Variants in SHANK2 observed in about 807,000 individuals in gnomAD.
SHANK2 encodes SH3 and multiple ankyrin repeat domains 2, also known as SH3 and multiple ankyrin repeat domains protein 2.
SHANK2 carries 43 observed loss-of-function variants against 133.7 expected under a neutral mutation model. The observed-to-expected ratio is 0.32, with a 90% confidence interval of 0.25 to 0.41. The LOEUF (loss-of-function observed/expected upper bound fraction) is 0.41, where lower values mean the gene tolerates loss of function less well. Among genes scored for constraint, SHANK2 ranks in the 10% least tolerant of loss-of-function variants. SHANK2 has a pLI of 1.00. For synonymous variants in SHANK2, 1,017 were observed against 952.8 expected, an observed-to-expected ratio of 1.07 and a Z score of -1.24; for missense variants, 1,994 against 2,235.8, an observed-to-expected ratio of 0.89 and a Z score of 2.18.
chr11:71,129,183 A>G (rs191204967), intron 3 of SHANK2, among the ~76,000 whole-genome samples: 3 of 152,378 alleles, frequency 2.0e-5, no homozygotes, highest in African/African-American at 7.2e-5. Flanking sequence ...ACTCCTGGGT[A>G]GTATCATCCA....
At chr11:71,210,216 A>ATC (rs1954229821) in intron 2 of SHANK2, among the ~76,000 whole-genome samples, 1 of 40,098 alleles carries the variant, frequency 2.5e-5, no homozygotes, top group Non-Finnish European at 4.7e-5. Context: ...ACAGGTATAT[A>ATC]TATATATATA....
chr11:70,540,108 C>T (rs1490073498), intron 17 of SHANK2, among the ~76,000 whole-genome samples: 3 of 152,178 alleles, frequency 2.0e-5, no homozygotes, highest in South Asian at 2.1e-4. Flanking sequence ...CCAGTCACAT[C>T]GCAATGTCCC....
rs1204061320 is a variant in SHANK2, at chr11:70,856,694, A to T, written c.1175-36012T>A. Among the ~76,000 whole-genome samples, 4 of 152,170 alleles carry T rather than the reference A, an allele frequency of 2.6e-5. No individual in the cohort carries two copies. In the East Asian group the frequency reaches 7.7e-4, roughly 29 times the overall value. On this transcript the variant is annotated intron_variant, in intron 11 of 25. Coordinates refer to ENST00000601538, the MANE Select transcript of SHANK2 (RefSeq NM_012309.5). ...GAGTTTAAACCATGTTTGATACATT[A>T]TTTCATTAAAAACACCAACAGCCTT... is the stretch of plus-strand genomic sequence containing the variant.
intron 17 of SHANK2, among the ~76,000 whole-genome samples, chr11:70,546,664 C>T (rs935062077): frequency 1.5e-4 from 23 of 152,316 alleles, no homozygotes; most frequent in African/African-American, 5.3e-4. Flanking sequence ...GTGTAGACCC[C>T]TGGTGGGCCT....
intron 1 of SHANK2, among the ~76,000 whole-genome samples, chr11:71,237,105 G>A (rs1051481069): frequency 4.6e-5 from 7 of 152,284 alleles, no homozygotes; most frequent in South Asian, 2.1e-4. Flanking sequence ...CAATAAACCC[G>A]AGGGGACTGC....
At position 71,086,229 on chromosome 11, in the gene SHANK2, AAAT is replaced by A. The variant is rs1951411035; in HGVS notation, c.912+6190_912+6192del. On this transcript the variant is annotated intron_variant, in intron 8 of 25. Transcript: ENST00000601538. ...AATATATTATGTTATATAATATATT[AAAT>A]TATATAATATATTATGTTATATATG... is the stretch of plus-strand genomic sequence containing the variant. 1.7e-3 allele frequency among the ~76,000 whole-genome samples: 93 copies of A among 53,474 alleles called. 8 individuals are homozygous for A. Among genetic ancestry groups the A allele is most frequent in the African/African-American group, 2.6e-3 (38 of 14,510 alleles). The allele number at this position is 53,474 out of a possible 152,430, so 35.1% of individuals were successfully genotyped here. A position where few individuals can be genotyped will look rare whatever the true frequency, so the allele number is the denominator to read the frequency against.
intron 25 of SHANK2, among the ~76,000 whole-genome samples, chr11:70,482,979 G>T (rs1156657236): frequency 1.3e-5 from 2 of 152,210 alleles, no homozygotes; most frequent in African/African-American, 4.8e-5. Flanking sequence ...GCCACTCAGG[G>T]AGAGGTCTCC....
At chr11:70,652,197 A>C (rs1217010954) in intron 17 of SHANK2, among the ~76,000 whole-genome samples, 1 of 152,202 alleles carries the variant, frequency 6.6e-6, no homozygotes, top group East Asian at 1.9e-4. Flanking sequence ...CAGTGGTTTG[A>C]GCCAAAGGAG....
chr11:70,660,533 G>C (rs1386085206), intron 16 of SHANK2, among the ~76,000 whole-genome samples: 2 of 152,206 alleles, frequency 1.3e-5, no homozygotes, highest in African/African-American at 2.4e-5. Flanking sequence ...GTGTGTGTGG[G>C]TGCTGAACCA....
At chr11:71,180,643 G>A (rs1321693167) in intron 2 of SHANK2, among the ~76,000 whole-genome samples, 1 of 151,922 alleles carries the variant, frequency 6.6e-6, no homozygotes, top group Non-Finnish European at 1.5e-5. Flanking sequence ...TTTTTGGCGG[G>A]GGCGGCGGGA....
intron 17 of SHANK2, among the ~76,000 whole-genome samples, chr11:70,613,228 G>C (rs1240959187): frequency 6.6e-6 from 1 of 151,926 alleles, no homozygotes; most frequent in Non-Finnish European, 1.5e-5. Flanking sequence ...TTTTGAGATG[G>C]AGTCTTGCTC....
intron 14 of SHANK2, among the ~76,000 whole-genome samples, chr11:70,761,193 G>C (rs955536280): frequency 9.9e-5 from 15 of 152,140 alleles, no homozygotes; most frequent in Non-Finnish European, 2.1e-4. Flanking sequence ...CTGGTGATGG[G>C]GCCTTTGGGA....
intron 20 of SHANK2, among the ~76,000 whole-genome samples, chr11:70,501,276 G>A (rs2059046993): frequency 6.6e-6 from 1 of 152,190 alleles, no homozygotes. Flanking sequence ...GCCGAGGAAG[G>A]ATGACATCAC....
chr11:70,874,995 C>CATA (rs1949534268), intron 11 of SHANK2, among the ~76,000 whole-genome samples: 1 of 152,294 alleles, frequency 6.6e-6, no homozygotes, highest in African/African-American at 2.4e-5. Flanking sequence ...AGTTAATGTT[C>CATA]ATACAGAATA....
chr11:71,223,201 C>A (rs894222969), intron 2 of SHANK2, among the ~76,000 whole-genome samples: 1 of 152,156 alleles, frequency 6.6e-6, no homozygotes, highest in Non-Finnish European at 1.5e-5. Context: ...CGCCCAACTG[C>A]GATGGTGGCC....
In SHANK2 at chr11:70,590,554, C is replaced by T. The variant is rs182967528; in HGVS notation, c.2061+69274G>A. Among the ~76,000 whole-genome samples, 42 of 152,318 alleles carry T rather than the reference C, an allele frequency of 2.8e-4. No homozygotes were observed. The East Asian group carries it at 6.6e-3, about 24-fold the overall frequency. On this transcript the variant is annotated intron_variant, in intron 17 of 25. Coordinates refer to ENST00000601538, the MANE Select transcript of SHANK2 (RefSeq NM_012309.5). ...AAATTGCCACAGTCACCCCAGCCTT[C>T]GGCAACCACCGCTCTCATCAGTCAG...
At chr11:70,756,473 C>A (rs1273380835) in intron 14 of SHANK2, among the ~76,000 whole-genome samples, 3 of 152,170 alleles carry the variant, frequency 2.0e-5, no homozygotes, top group Admixed American at 6.5e-5. Context: ...TGGCACAGAG[C>A]ACACCCTCTC....
At chr11:70,914,442 G>C (rs1805418885) in intron 10 of SHANK2, among the ~76,000 whole-genome samples, 1 of 151,928 alleles carries the variant, frequency 6.6e-6, no homozygotes, top group Admixed American at 6.6e-5. Flanking sequence ...GGAATACAGA[G>C]AGAAGCTTAA....
chr11:70,486,506 T>C lies in SHANK2; in HGVS notation c.3787A>G (p.Thr1263Ala), dbSNP rs782310113. ...MRPSLDAGFP[T>A]VTRQNTRGPL... The stretch of plus-strand genomic sequence containing the variant: ...CCCCGGGTGTTCTGCCTGGTGACCG[T>C]AGGGAAGCCGGCATCCAGGCTGGGC... The change falls in exon 25 of 26, where the codon ACG (threonine) becomes GCG (alanine). Residue 1263 changes from threonine to alanine, a missense_variant. Thr to Ala is a moderately conservative substitution (Grantham distance 58, BLOSUM62 0). Transcript: ENST00000601538. This position sits in a 1 kb window ranked among gnomAD's most constrained non-coding sequence, Gnocchi z 8.0. The C allele has an allele frequency of 1.9e-6, 3 of 1,614,102 alleles. No individual in the cohort carries two copies. Among genetic ancestry groups the C allele is most frequent in the East Asian group, 2.2e-5 (1 of 44,866 alleles).
Sources: gnomAD v4.1 joint callset for allele counts (sites outside exome capture counted in the v4.1 genomes callset) on GRCh38, gnomAD v4.1.1 for gene constraint, Gnocchi (gnomAD v3.1) non-coding constraint, MANE v1.5 for transcripts, NCBI Gene and HGNC (gene_info 2026-07-23, HGNC 2026-07-21) for gene names.